NYAP2: variants seen among roughly 807,000 people sequenced by gnomAD.
The protein encoded by NYAP2 is neuronal tyrosine-phosphorylated phosphoinositide-3-kinase adaptor 2, also known as neuronal tyrosine-phosphorylated phosphoinositide-3-kinase adapter 2.
In NYAP2, 23 loss-of-function variants were observed where a neutral mutation model predicts 50.4. The ratio of observed to expected loss-of-function variants is 0.46; its 90% CI spans 0.33 to 0.65. The LOEUF (loss-of-function observed/expected upper bound fraction) is 0.65. Among genes scored for constraint, NYAP2 ranks in the 30% least tolerant of loss-of-function variants. The pLI, the probability that NYAP2 is intolerant of heterozygous loss-of-function variation, is 0.02. For missense variants in NYAP2, 885 were observed against 861.0 expected, an observed-to-expected ratio of 1.03 and a Z score of -0.35; for synonymous variants, 394 against 365.2, an observed-to-expected ratio of 1.08 and a Z score of -0.90.
At chr2:225,535,260 C>T (rs942501939) in intron 4 of NYAP2, among the ~76,000 whole-genome samples, 1 of 152,218 alleles carries the variant, frequency 6.6e-6, no homozygotes, top group Non-Finnish European at 1.5e-5. Flanking sequence ...CAAAACTTAA[C>T]ACTGGGCCAG....
At chr2:225,536,173 A>G (rs1044648151) in intron 4 of NYAP2, among the ~76,000 whole-genome samples, 1 of 152,198 alleles carries the variant, frequency 6.6e-6, no homozygotes, top group Admixed American at 6.5e-5. Flanking sequence ...ATCTGGGATA[A>G]AGGCTACCCC....
chr2:225,572,622 G>T (rs1692093410), intron 4 of NYAP2, among the ~76,000 whole-genome samples: 1 of 152,212 alleles, frequency 6.6e-6, no homozygotes, highest in Non-Finnish European at 1.5e-5. Flanking sequence ...TTTAAGATGA[G>T]ATTTGTGTGG....
chr2:225,455,693 T>C (rs1689728694), intron 3 of NYAP2, among the ~76,000 whole-genome samples: 1 of 152,232 alleles, frequency 6.6e-6, no homozygotes, highest in Admixed American at 6.5e-5. Context: ...GAATATGGAA[T>C]ATTGACATAA....
intron 3 of NYAP2, among the ~76,000 whole-genome samples, chr2:225,501,758 C>T (rs1254769376): frequency 6.6e-6 from 1 of 152,174 alleles, no homozygotes; most frequent in Non-Finnish European, 1.5e-5. Flanking sequence ...CTGAAACTAC[C>T]TAGCAGTTTT....
intron 4 of NYAP2, among the ~76,000 whole-genome samples, chr2:225,548,696 G>A (rs1029054181): frequency 1.3e-5 from 2 of 152,054 alleles, no homozygotes; most frequent in Non-Finnish European, 1.5e-5. Context: ...GTGCTACCAC[G>A]AGAATCCACA....
chr2:225,401,739 A>C (rs369935719), intron 2 of NYAP2, among the ~76,000 whole-genome samples: 15 of 144,160 alleles, frequency 1.0e-4, no homozygotes, highest in African/African-American at 4.4e-4. Context: ...AATACAAGAC[A>C]TGTGAGTATT....
intron 5 of NYAP2, among the ~76,000 whole-genome samples, chr2:225,611,018 T>A (rs1273556945): frequency 6.6e-6 from 1 of 152,206 alleles, no homozygotes; most frequent in Non-Finnish European, 1.5e-5. Context: ...TATCAAAAGC[T>A]TAATTTATGG....
At chr2:225,588,438 T>C (rs1692425560) in intron 5 of NYAP2, among the ~76,000 whole-genome samples, 1 of 152,054 alleles carries the variant, frequency 6.6e-6, no homozygotes, top group Non-Finnish European at 1.5e-5. Context: ...CTGCCTCACA[T>C]GGACATACAG....
intron 6 of NYAP2, among the ~76,000 whole-genome samples, chr2:225,649,323 G>T (rs1038670594): frequency 2.0e-5 from 3 of 152,044 alleles, no homozygotes; most frequent in Non-Finnish European, 4.4e-5. Flanking sequence ...CTTCTGGATC[G>T]GTTGGAAAGT....
intron 4 of NYAP2, among the ~76,000 whole-genome samples, chr2:225,534,456 A>G (rs891668109): frequency 2.6e-5 from 4 of 152,210 alleles, no homozygotes; most frequent in African/African-American, 7.2e-5. Context: ...GCAAAAGTGA[A>G]ATAGATGTTT....
intron 4 of NYAP2, among the ~76,000 whole-genome samples, chr2:225,581,458 T>C (rs1390173383): frequency 6.6e-6 from 1 of 152,232 alleles, no homozygotes; most frequent in Non-Finnish European, 1.5e-5. Context: ...GAGAAATTTT[T>C]ATCCTAAATG....
chr2:225,518,556 ATATATATATAT>A (rs1559202512), intron 4 of NYAP2, among the ~76,000 whole-genome samples: 5,269 of 82,290 alleles, frequency 0.064, 1,093 homozygotes, highest in African/African-American at 0.11. Flanking sequence ...ATATATATAT[ATATATATATAT>A]ATTAGCGTGT....
chr2:225,443,160 G>A (rs998672840), intron 3 of NYAP2, among the ~76,000 whole-genome samples: 2 of 152,080 alleles, frequency 1.3e-5, no homozygotes, highest in African/African-American at 4.8e-5. Flanking sequence ...GATTTGGGTT[G>A]GGACACAGCC....
intron 4 of NYAP2, among the ~76,000 whole-genome samples, chr2:225,564,901 A>G (rs1691936693): frequency 1.3e-5 from 2 of 152,116 alleles, no homozygotes; most frequent in Admixed American, 6.6e-5. Context: ...AGACCAAGGC[A>G]GGTGGATCAC....
In NYAP2 at chr2:225,582,340, A is replaced by C. The variant is rs746993221; in HGVS notation, c.923A>C (p.Lys308Thr). Residue 308 changes from lysine to threonine, a missense_variant, in exon 5 of 7, where the codon AAG becomes ACG. Lys to Thr is a moderately conservative substitution (Grantham distance 78, BLOSUM62 -1). Transcript: ENST00000636099. The surrounding 1 kb of genome is among the most constrained non-coding windows in gnomAD (Gnocchi z 7.0). The stretch of plus-strand genomic sequence containing the variant: ...ACGGTGCCTGACTTGGACTTCGCCA[A>C]GGCCTCAGTGCCATGCCCCCCCAAG... The C allele has an allele frequency of 6.2e-7, 1 of 1,613,928 alleles. No homozygotes were observed. Among genetic ancestry groups the C allele is most frequent in the South Asian group, 1.1e-5 (1 of 91,084 alleles).
the NYAP2 span, among the ~76,000 whole-genome samples, chr2:225,692,177 A>G: frequency 6.6e-6 from 1 of 152,128 alleles, no homozygotes. Context: ...AGGCACAAAA[A>G]TCAAAATCAA....
the NYAP2 span, among the ~76,000 whole-genome samples, chr2:225,663,034 A>G: frequency 6.6e-6 from 1 of 152,204 alleles, no homozygotes; most frequent in Non-Finnish European, 1.5e-5. Context: ...AAATGTGTTC[A>G]TTTTCAGTCA....
intron 3 of NYAP2, among the ~76,000 whole-genome samples, chr2:225,484,428 A>C (rs542518734): frequency 2.0e-5 from 3 of 152,236 alleles, no homozygotes; most frequent in Admixed American, 6.5e-5. Flanking sequence ...TAGTGTTAAG[A>C]CATAGTTTAT....
At chr2:225,635,199 T>C (rs1191432490) in intron 6 of NYAP2, among the ~76,000 whole-genome samples, 1 of 152,232 alleles carries the variant, frequency 6.6e-6, no homozygotes, top group Admixed American at 6.5e-5. Context: ...GCAGCAGGAC[T>C]GCGAGCTGCA....
Sources: gnomAD v4.1 joint callset for allele counts (sites outside exome capture counted in the v4.1 genomes callset) on GRCh38, gnomAD v4.1.1 for gene constraint, Gnocchi (gnomAD v3.1) non-coding constraint, MANE v1.5 for transcripts, NCBI Gene and HGNC (gene_info 2026-07-23, HGNC 2026-07-21) for gene names.